Variants in FSTL5 observed in about 807,000 individuals in gnomAD.
The protein encoded by FSTL5 is follistatin-related protein 5.
In FSTL5, 62 loss-of-function variants were observed where a neutral mutation model predicts 89.1. That is an observed-to-expected ratio of 0.70 (90% CI 0.57 to 0.86). The LOEUF (loss-of-function observed/expected upper bound fraction) is 0.86, where lower values mean the gene tolerates loss of function less well. Ranked by LOEUF, FSTL5 falls within the 40% of genes least tolerant of loss-of-function variation. The pLI, the probability that FSTL5 is intolerant of heterozygous loss-of-function variation, is 0.00. For missense variants in FSTL5, 1,057 were observed against 1,001.6 expected (o/e 1.06, Z -0.75); for synonymous variants, 383 against 346.2 (o/e 1.11, Z -1.18).
intron 6 of FSTL5, among the ~76,000 whole-genome samples, chr4:161,706,463 T>TG (rs1401525641): frequency 6.6e-6 from 1 of 152,050 alleles, no homozygotes; most frequent in Non-Finnish European, 1.5e-5. Flanking sequence ...TATCCACTCT[T>TG]GCAGAAGTAA....
intron 3 of FSTL5, among the ~76,000 whole-genome samples, chr4:161,955,380 C>A (rs962781700): frequency 4.6e-5 from 7 of 151,402 alleles, no homozygotes; most frequent in Non-Finnish European, 8.9e-5. Context: ...AAAAGAATAA[C>A]TCCAAAGTGT....
intron 10 of FSTL5, among the ~76,000 whole-genome samples, chr4:161,531,699 C>T (rs1262379925): frequency 2.0e-5 from 3 of 152,006 alleles, no homozygotes; most frequent in Non-Finnish European, 2.9e-5. Context: ...AAAAGGTATA[C>T]TCAATCAGTG....
chr4:161,871,599 A>G (rs928198044), intron 4 of FSTL5, among the ~76,000 whole-genome samples: 1 of 152,200 alleles, frequency 6.6e-6, no homozygotes, highest in Non-Finnish European at 1.5e-5. Flanking sequence ...TGAGGTACAT[A>G]GGAATTAATG....
chr4:162,108,743 AAAAAG>A (rs1370512241), intron 2 of FSTL5, among the ~76,000 whole-genome samples: 1 of 151,486 alleles, frequency 6.6e-6, no homozygotes, highest in African/African-American at 2.4e-5. Context: ...TTTGATAAAT[AAAAAG>A]AAATTTTACT....
intron 3 of FSTL5, among the ~76,000 whole-genome samples, chr4:161,991,927 T>C (rs1736123676): frequency 6.6e-6 from 1 of 152,020 alleles, no homozygotes; most frequent in South Asian, 2.1e-4. Context: ...TATAAGAGAA[T>C]AAACCATGCT....
chr4:161,953,895 T>C (rs1358989764), intron 3 of FSTL5, among the ~76,000 whole-genome samples: 2 of 151,636 alleles, frequency 1.3e-5, no homozygotes, highest in Non-Finnish European at 3.0e-5. Context: ...AAATTTGAAA[T>C]TGGTTTTGCC....
chr4:161,421,014 G>C (rs1358090489), intron 15 of FSTL5, among the ~76,000 whole-genome samples: 4 of 151,794 alleles, frequency 2.6e-5, no homozygotes, highest in Middle Eastern at 3.2e-3. Context: ...TATTGTAAAG[G>C]ATTATTACAG....
chr4:161,428,450 C>T (rs1023454501), intron 15 of FSTL5, among the ~76,000 whole-genome samples: 1 of 152,132 alleles, frequency 6.6e-6, no homozygotes, highest in Non-Finnish European at 1.5e-5. Context: ...CTTGCAGCTT[C>T]GGGACAGACT....
At position 162,122,779 on chromosome 4, in the gene FSTL5, G is replaced by A. The variant is rs190293267; in HGVS notation, c.-16-11367C>T. Among the ~76,000 whole-genome samples, 19 of 152,106 alleles carry A rather than the reference G, an allele frequency of 1.2e-4. No individual in the cohort carries two copies. The East Asian group carries it at 2.3e-3, about 19-fold the overall frequency. ...TTTATTGCACATTTCATATGTGTGT[G>A]GCATAAAAGGCCTATTGCCTTACTT... On this transcript the variant is annotated intron_variant, in intron 1 of 15. Transcript: ENST00000306100.
chr4:162,086,259 C>A (rs1274388479), intron 2 of FSTL5, among the ~76,000 whole-genome samples: 2 of 151,934 alleles, frequency 1.3e-5, no homozygotes, highest in East Asian at 3.9e-4. Context: ...ATTCCCACCC[C>A]ACATATTATT....
intron 8 of FSTL5, chr4:161,552,526 G>A (rs537840536): frequency 1.3e-5 from 2 of 151,796 alleles, no homozygotes; most frequent in African/African-American, 4.8e-5. Context: ...CTTTTTAGAT[G>A]AGATGTTCAA....
chr4:161,709,418 A>G (rs975584), intron 6 of FSTL5, among the ~76,000 whole-genome samples: 146,517 of 152,176 alleles, frequency 0.96, 70,670 homozygotes, highest in East Asian at 1. Flanking sequence ...TTCTCATGAG[A>G]TATTCATTCA....
At chr4:161,398,370 TTCATTTTAAATTGA>T (rs1295598685) in intron 15 of FSTL5, among the ~76,000 whole-genome samples, 3 of 152,108 alleles carry the variant, frequency 2.0e-5, no homozygotes, top group Non-Finnish European at 4.4e-5. Flanking sequence ...TCCAAAATTA[TTCATTTTAAATTGA>T]ATATATTCCA....
intron 10 of FSTL5, among the ~76,000 whole-genome samples, chr4:161,516,297 C>A (rs1043854396): frequency 3.4e-5 from 5 of 148,658 alleles, no homozygotes; most frequent in Admixed American, 2.0e-4. Flanking sequence ...TTAGTTTCAC[C>A]ACATTAATTT....
chr4:162,001,140 C>T (rs1292798339), intron 3 of FSTL5, among the ~76,000 whole-genome samples: 1 of 152,082 alleles, frequency 6.6e-6, no homozygotes, highest in Non-Finnish European at 1.5e-5. Flanking sequence ...ATTTTGATAC[C>T]GTTTAGTTTC....
At chr4:162,097,775 A>G (rs537544402) in intron 2 of FSTL5, among the ~76,000 whole-genome samples, 10 of 152,098 alleles carry the variant, frequency 6.6e-5, no homozygotes, top group African/African-American at 2.4e-4. Context: ...ATAATACTAC[A>G]CACTCTCCAG....
intron 6 of FSTL5, among the ~76,000 whole-genome samples, chr4:161,722,605 G>A (rs1490882506): frequency 6.6e-6 from 1 of 151,896 alleles, no homozygotes; most frequent in East Asian, 1.9e-4. Context: ...CCTTATAATG[G>A]CACTGCTGAT....
At chr4:161,806,911 C>CATAG (rs560058828) in intron 4 of FSTL5, among the ~76,000 whole-genome samples, 8 of 151,456 alleles carry the variant, frequency 5.3e-5, no homozygotes, top group East Asian at 1.9e-4. Flanking sequence ...TAGATAGATA[C>CATAG]ATAGATAGAT....
chr4:162,006,664 T>G (rs1284013251), intron 3 of FSTL5, among the ~76,000 whole-genome samples: 1 of 151,954 alleles, frequency 6.6e-6, no homozygotes, highest in Non-Finnish European at 1.5e-5. Flanking sequence ...TCTAAATAGC[T>G]AAATATTTAA....
Sources: gnomAD v4.1 joint callset for allele counts (sites outside exome capture counted in the v4.1 genomes callset) on GRCh38, gnomAD v4.1.1 for gene constraint, MANE v1.5 for transcripts, NCBI Gene and HGNC (gene_info 2026-07-23, HGNC 2026-07-21) for gene names.